TANC1: variants seen among roughly 807,000 people sequenced by gnomAD.
TANC1 encodes tetratricopeptide repeat, ankyrin repeat and coiled-coil containing 1.
In TANC1, 77 loss-of-function variants were observed where a neutral mutation model predicts 149.7. The ratio of observed to expected loss-of-function variants is 0.51; its 90% CI spans 0.43 to 0.62. TANC1 has a LOEUF of 0.62. TANC1 is among the 20% of genes least tolerant of loss of function. The pLI is 0.00. For missense variants in TANC1, 1,985 were observed against 2,321.8 expected (o/e 0.85, Z 2.98); for synonymous variants, 854 against 925.0 (o/e 0.92, Z 1.39).
At position 158,983,468 on chromosome 2, in the gene TANC1, C is replaced by CAAAAAAAAAAAAAAAAAAA. The variant is rs35472970; in HGVS notation, c.-126+14687_-126+14705dup. The stretch of plus-strand genomic sequence containing the variant: ...GGAGACAGAGCAAGACTCCGTCTCC[C>CAAAAAAAAAAAAAAAAAAA]AAAAAAAAAAAAAAAAAAACACCAA... On this transcript the variant is annotated intron_variant, in intron 1 of 26. Coordinates refer to ENST00000263635, the MANE Select transcript of TANC1 (RefSeq NM_033394.3). 5.1e-4 allele frequency among the ~76,000 whole-genome samples: 45 copies of CAAAAAAAAAAAAAAAAAAA among 88,792 alleles called. 1 individual carries two copies. The highest frequency in any genetic ancestry group is 1.9e-3 in the African/African-American group (41 of 21,716). The allele number at this position is 88,792 out of a possible 152,430, so 58.3% of individuals were successfully genotyped here. A position where few individuals can be genotyped will look rare whatever the true frequency, so the allele number is the denominator to read the frequency against.
chr2:159,018,352 A>G (rs1475044901), intron 2 of TANC1, among the ~76,000 whole-genome samples: 1 of 152,206 alleles, frequency 6.6e-6, no homozygotes, highest in African/African-American at 2.4e-5. Flanking sequence ...GGGATGTGCC[A>G]TATGTGGCCT....
At chr2:159,105,246 G>A (rs547619525) in intron 4 of TANC1, among the ~76,000 whole-genome samples, 3 of 151,832 alleles carry the variant, frequency 2.0e-5, no homozygotes, top group African/African-American at 4.8e-5. Flanking sequence ...CGCCCACCTC[G>A]GCCTCCCAGA....
intron 2 of TANC1, among the ~76,000 whole-genome samples, chr2:159,002,356 G>C (rs2036690170): frequency 6.6e-6 from 1 of 152,150 alleles, no homozygotes; most frequent in South Asian, 2.1e-4. Flanking sequence ...TAGGGAGGGG[G>C]TGGCAGTGAG....
At chr2:159,123,258 T>G (rs1227307641) in intron 4 of TANC1, among the ~76,000 whole-genome samples, 1 of 152,130 alleles carries the variant, frequency 6.6e-6, no homozygotes, top group Non-Finnish European at 1.5e-5. Context: ...GATTTTTTTC[T>G]GTATAGGGCG....
chr2:159,180,930 C>T (rs1462638548), intron 14 of TANC1, among the ~76,000 whole-genome samples: 1 of 152,028 alleles, frequency 6.6e-6, no homozygotes. Flanking sequence ...AAGCTCCCAG[C>T]GTAAGTAAAG....
At chr2:159,198,789 C>A (rs769682750) in intron 18 of TANC1, among the ~76,000 whole-genome samples, 186 bp from the exon 19 acceptor site, 9 of 151,924 alleles carry the variant, frequency 5.9e-5, no homozygotes, top group Non-Finnish European at 8.8e-5. Flanking sequence ...TTTTTTAATT[C>A]TTCTCCAACT....
chr2:159,150,304 A>G, intron 6 of TANC1, 66 bp from the exon 7 acceptor site: 1 of 1,372,960 alleles, frequency 7.3e-7, no homozygotes, highest in Non-Finnish European at 1.0e-6. Context: ...TTAGCACAAA[A>G]ACAAAAGCAT....
intron 4 of TANC1, among the ~76,000 whole-genome samples, chr2:159,110,350 G>T (rs1017459243): frequency 2.0e-5 from 3 of 152,214 alleles, no homozygotes; most frequent in Non-Finnish European, 4.4e-5. Flanking sequence ...AGATAAGGAG[G>T]CACTGCTGTA....
At chr2:159,008,358 A>G (rs2037427843) in intron 2 of TANC1, among the ~76,000 whole-genome samples, 2 of 152,194 alleles carry the variant, frequency 1.3e-5, no homozygotes, top group South Asian at 4.1e-4. Context: ...TAAGCCATCA[A>G]CAAGCTGTTG....
chr2:159,047,011 G>C (rs2041113583), intron 2 of TANC1, among the ~76,000 whole-genome samples: 1 of 151,958 alleles, frequency 6.6e-6, no homozygotes, highest in African/African-American at 2.4e-5. Context: ...TTTTCTTTTA[G>C]TCTGCTCAGC....
At chr2:159,062,734 G>A (rs894936632) in intron 2 of TANC1, among the ~76,000 whole-genome samples, 1 of 151,794 alleles carries the variant, frequency 6.6e-6, no homozygotes, top group Non-Finnish European at 1.5e-5. Context: ...TTGGGAGGCC[G>A]AGGCGGGTGG....
At chr2:159,063,017 TTTTGTTTAAA>T (rs1391571951) in intron 2 of TANC1, among the ~76,000 whole-genome samples, 2 of 149,284 alleles carry the variant, frequency 1.3e-5, no homozygotes, top group African/African-American at 4.9e-5. Flanking sequence ...TCATGAGAGC[TTTTGTTTAAA>T]GCTGGAGTAC....
intron 19 of TANC1, among the ~76,000 whole-genome samples, chr2:159,203,295 C>T (rs2058380173): frequency 6.7e-6 from 1 of 149,900 alleles, no homozygotes; most frequent in Admixed American, 6.7e-5. Context: ...CAACCTCCAA[C>T]TCCCTGGTTC....
intron 4 of TANC1, among the ~76,000 whole-genome samples, chr2:159,125,282 T>A (rs1401332264): frequency 6.6e-6 from 1 of 152,218 alleles, no homozygotes; most frequent in Non-Finnish European, 1.5e-5. Context: ...CAGCTTGCAT[T>A]TGGTGTTTAC....
intron 1 of TANC1, among the ~76,000 whole-genome samples, chr2:158,978,554 G>A (rs1261896217): frequency 1.3e-5 from 2 of 152,146 alleles, no homozygotes; most frequent in Non-Finnish European, 2.9e-5. Flanking sequence ...GGAGTAACAC[G>A]AAAGGCCTGG....
At chr2:159,211,982 C>T (rs973183504) in intron 19 of TANC1, among the ~76,000 whole-genome samples, 8 of 152,238 alleles carry the variant, frequency 5.3e-5, no homozygotes, top group Non-Finnish European at 1.0e-4. Flanking sequence ...GTTGCTCCAA[C>T]TTGTGGTTTC....
chr2:158,972,360 C>T (rs748332913), intron 1 of TANC1, among the ~76,000 whole-genome samples: 4 of 152,194 alleles, frequency 2.6e-5, no homozygotes, highest in Non-Finnish European at 5.9e-5. Flanking sequence ...CATTCTTGGA[C>T]TGTTCCTACT....
intron 3 of TANC1, among the ~76,000 whole-genome samples, chr2:159,075,450 C>T (rs1005505280): frequency 6.6e-6 from 1 of 150,594 alleles, no homozygotes. Flanking sequence ...GTGGAACATG[C>T]CTATAGTCTC....
intron 14 of TANC1, among the ~76,000 whole-genome samples, chr2:159,179,885 C>T (rs1469409742): frequency 1.3e-5 from 2 of 152,170 alleles, no homozygotes; most frequent in Non-Finnish European, 2.9e-5. Flanking sequence ...ATGTATATGG[C>T]AAGCCCCCAA....
Sources: gnomAD v4.1 joint callset for allele counts (sites outside exome capture counted in the v4.1 genomes callset) on GRCh38, gnomAD v4.1.1 for gene constraint, MANE v1.5 for transcripts, NCBI Gene and HGNC (gene_info 2026-07-23, HGNC 2026-07-21) for gene names.